The following RAPGEF5 variants were observed in gnomAD, a reference collection of about 807,000 sequenced individuals.
The protein encoded by RAPGEF5 is M-Ras-regulated GEF.
Under a neutral mutation model 125.2 loss-of-function variants are expected in RAPGEF5, and 65 were observed. The observed-to-expected ratio is 0.52, with a 90% confidence interval of 0.43 to 0.64. The LOEUF is 0.64. Among genes scored for constraint, RAPGEF5 ranks in the 30% least tolerant of loss-of-function variants. The probability of loss-of-function intolerance (pLI) is 0.00; values close to 1 mark genes in which losing one functional copy is unlikely to be tolerated. For synonymous variants in RAPGEF5, 391 were observed against 385.9 expected (o/e 1.01, Z -0.16); for missense variants, 958 against 1,048.1 (o/e 0.91, Z 1.19).
chr7:22,306,670 A>G lies in RAPGEF5; in HGVS notation c.680+1669T>C, dbSNP rs527386035. On this transcript the variant is annotated intron_variant, in intron 5 of 25. Transcript: ENST00000665637. ...ATCAATTTCCTGAAAATTTTCCCCA[A>G]TCTTGTAGTTTCATAGTTTGAGCTC... is the stretch of plus-strand genomic sequence containing the variant. Among the ~76,000 whole-genome samples the G allele has an allele frequency of 2.0e-5, 3 of 152,206 alleles. No individual in the cohort carries two copies. The South Asian group carries it at 6.2e-4, about 32-fold the overall frequency.
chr7:22,346,069 C>T (rs1784219206), intron 1 of RAPGEF5, among the ~76,000 whole-genome samples: 1 of 152,158 alleles, frequency 6.6e-6, no homozygotes, highest in South Asian at 2.1e-4. Flanking sequence ...CTAAGATTCA[C>T]CCCAAAGTGT....
intron 11 of RAPGEF5, among the ~76,000 whole-genome samples, chr7:22,185,778 A>G (rs1784806475): frequency 6.6e-6 from 1 of 152,158 alleles, no homozygotes; most frequent in South Asian, 2.1e-4. Flanking sequence ...AGGCACACCC[A>G]GGGCAGCTGG....
chr7:22,155,975 T>G (rs1437750586), intron 16 of RAPGEF5, among the ~76,000 whole-genome samples: 2 of 152,196 alleles, frequency 1.3e-5, no homozygotes, highest in Non-Finnish European at 2.9e-5. Flanking sequence ...GTTAGATAAT[T>G]TTATTTTCTC....
chr7:22,317,846 G>A, intron 2 of RAPGEF5, 141 bp downstream of exon 2: 1 of 1,098,724 alleles, frequency 9.1e-7, no homozygotes, highest in Non-Finnish European at 1.3e-6. Context: ...CCCAGGTGGT[G>A]AAGATAATGT....
At chr7:22,179,465 CCACTT>C (rs1784607430) in intron 11 of RAPGEF5, among the ~76,000 whole-genome samples, 1 of 152,118 alleles carries the variant, frequency 6.6e-6, no homozygotes. Context: ...ATAATCCAAA[CCACTT>C]CACAGGCTTT....
At chr7:22,296,393 T>C (rs1378346287) in intron 5 of RAPGEF5, among the ~76,000 whole-genome samples, 1 of 151,846 alleles carries the variant, frequency 6.6e-6, no homozygotes, top group African/African-American at 2.4e-5. Flanking sequence ...GCAGAGGACA[T>C]GGGGGAAGAT....
At chr7:22,162,649 T>C (rs1209408856) in intron 12 of RAPGEF5, 108 bp from the exon 13 acceptor site, 4 of 1,104,618 alleles carry the variant, frequency 3.6e-6, no homozygotes, top group Non-Finnish European at 5.2e-6. Flanking sequence ...TGTATAAACA[T>C]GCAGGAAGAA....
chr7:22,230,730 A>G, intron 8 of RAPGEF5, 116 bp downstream of exon 8: 1 of 928,904 alleles, frequency 1.1e-6, no homozygotes, highest in Admixed American at 2.8e-5. Context: ...TCCCAATAAC[A>G]TGGCTATTTA....
chr7:22,348,381 G>C (rs1414875108), intron 1 of RAPGEF5, among the ~76,000 whole-genome samples: 1 of 152,210 alleles, frequency 6.6e-6, no homozygotes, highest in African/African-American at 2.4e-5. Context: ...TGACAGGTAT[G>C]TGTACTTCCA....
chr7:22,310,135 C>T (rs181084645), intron 3 of RAPGEF5, 45 bp from the exon 4 acceptor site: 39 of 1,444,314 alleles, frequency 2.7e-5, no homozygotes, highest in Non-Finnish European at 3.4e-5. Flanking sequence ...TGCTGACATC[C>T]GTTTGCCAAA....
intron 12 of RAPGEF5, among the ~76,000 whole-genome samples, chr7:22,163,723 C>T (rs183792696): frequency 6.6e-6 from 1 of 152,188 alleles, no homozygotes; most frequent in East Asian, 1.9e-4. Context: ...TTCTTGTTGT[C>T]TCCAAAATGA....
chr7:22,344,859 T>C (rs1452887780), intron 1 of RAPGEF5, among the ~76,000 whole-genome samples: 1 of 152,248 alleles, frequency 6.6e-6, no homozygotes, highest in Non-Finnish European at 1.5e-5. Context: ...AGTCCTCTAT[T>C]TGGGTCTGGC....
chr7:22,134,157 T>C (rs951169306), intron 23 of RAPGEF5, among the ~76,000 whole-genome samples: 1 of 152,248 alleles, frequency 6.6e-6, no homozygotes, highest in African/African-American at 2.4e-5. Flanking sequence ...GTTGTATATT[T>C]TTGCCAAAAT....
In RAPGEF5 at chr7:22,180,166, C is replaced by T. The variant is rs111410700; in HGVS notation, c.1205-13018G>A. On this transcript the variant is annotated intron_variant, in intron 11 of 25. Transcript: ENST00000665637. ...CCATATTTCTTTGAAGAAACAAATA[C>T]ATAATTATGGTATTGGGTCTACAAT... Among the ~76,000 whole-genome samples, 42 of 152,270 alleles carry T rather than the reference C, an allele frequency of 2.8e-4. 3 individuals are homozygous for T. Among genetic ancestry groups the T allele is most frequent in the African/African-American group, 9.9e-4 (41 of 41,552 alleles).
chr7:22,300,063 T>G (rs1165406780), intron 5 of RAPGEF5, among the ~76,000 whole-genome samples: 1 of 152,182 alleles, frequency 6.6e-6, no homozygotes, highest in African/African-American at 2.4e-5. Context: ...AAAAGTTTTT[T>G]TTCTGCACCA....
intron 8 of RAPGEF5, among the ~76,000 whole-genome samples, chr7:22,226,685 C>T (rs990430204): frequency 1.3e-5 from 2 of 152,098 alleles, no homozygotes; most frequent in African/African-American, 4.8e-5. Flanking sequence ...CTGGTATGGG[C>T]CTCGAACACC....
At chr7:22,349,736 T>C (rs1784294665) in intron 1 of RAPGEF5, among the ~76,000 whole-genome samples, 1 of 152,238 alleles carries the variant, frequency 6.6e-6, no homozygotes, top group Admixed American at 6.5e-5. Context: ...ATATACCATA[T>C]GTTGTTATCC....
chr7:22,322,606 C>A (rs571002006), intron 1 of RAPGEF5, among the ~76,000 whole-genome samples: 16 of 152,294 alleles, frequency 1.1e-4, no homozygotes, highest in African/African-American at 3.4e-4. Flanking sequence ...CCATACATGT[C>A]TCTTAATATA....
intron 11 of RAPGEF5, among the ~76,000 whole-genome samples, chr7:22,181,778 G>A (rs749301799): frequency 6.6e-6 from 1 of 152,172 alleles, no homozygotes; most frequent in Non-Finnish European, 1.5e-5. Flanking sequence ...GAAAGAAAAG[G>A]TTTCAATTGT....
Sources: gnomAD v4.1 joint callset for allele counts (sites outside exome capture counted in the v4.1 genomes callset) on GRCh38, gnomAD v4.1.1 for gene constraint, MANE v1.5 for transcripts, NCBI Gene and HGNC (gene_info 2026-07-23, HGNC 2026-07-21) for gene names.